The following DDAH1 variants were observed in gnomAD, a reference collection of about 807,000 sequenced individuals.
DDAH1 encodes dimethylarginine dimethylaminohydrolase 1.
In DDAH1, 19 loss-of-function variants were observed where a neutral mutation model predicts 28.8. The ratio of observed to expected loss-of-function variants is 0.66; its 90% CI spans 0.46 to 0.97. The LOEUF (loss-of-function observed/expected upper bound fraction) is 0.97. DDAH1 is among the 50% of genes least tolerant of loss of function. The pLI is 0.00. For synonymous variants in DDAH1, 153 were observed against 154.4 expected (o/e 0.99, Z 0.07); for missense variants, 326 against 375.9 (o/e 0.87, Z 1.10).
rs556759724 is a variant in DDAH1 at position 85,371,501 on chromosome 1, A to C, written c.304-12654T>G. Among the ~76,000 whole-genome samples the C allele has an allele frequency of 6.6e-5, 10 of 152,326 alleles. No homozygotes were observed. The South Asian group carries it at 2.1e-3, about 32-fold the overall frequency. On this transcript the variant is annotated intron_variant, in intron 1 of 5. Transcript: ENST00000284031. ...GGGCAACACAGTAATACTCTACCTC[A>C]AACAACAACAAAAAACAACCATACC...
chr1:85,389,043 ATTAACAGTTG>A (rs1277365307), intron 1 of DDAH1, among the ~76,000 whole-genome samples: 6 of 152,128 alleles, frequency 3.9e-5, no homozygotes, highest in Non-Finnish European at 7.3e-5. Flanking sequence ...TAAAATGATC[ATTAACAGTTG>A]TTTTTAGGCC....
chr1:85,457,306 T>C (rs1416785293), intron 1 of DDAH1, among the ~76,000 whole-genome samples: 3 of 152,196 alleles, frequency 2.0e-5, no homozygotes, highest in Non-Finnish European at 4.4e-5. Flanking sequence ...CCCTGGTTAA[T>C]TCTCACTCAA....
intron 1 of DDAH1, among the ~76,000 whole-genome samples, chr1:85,568,119 A>G (rs1419911762): frequency 6.6e-6 from 1 of 152,228 alleles, no homozygotes; most frequent in African/African-American, 2.4e-5. Flanking sequence ...AAAGTCTTTT[A>G]AACAGATTAA....
intron 1 of DDAH1, among the ~76,000 whole-genome samples, chr1:85,525,878 G>A (rs1348088066): frequency 3.9e-5 from 6 of 152,196 alleles, no homozygotes; most frequent in African/African-American, 1.4e-4. Flanking sequence ...AGTCCTCTGC[G>A]GTATCCTTGT....
chr1:85,415,045 C>CG (rs2100603181), intron 1 of DDAH1, among the ~76,000 whole-genome samples: 1 of 110,410 alleles, frequency 9.1e-6, no homozygotes, highest in East Asian at 3.1e-4. Context: ...GATGGAGTCT[C>CG]GCACTGTCAC....
intron 2 of DDAH1, among the ~76,000 whole-genome samples, chr1:85,470,200 AAAAAGAG>A (rs1433514088): frequency 7.2e-5 from 11 of 152,218 alleles, no homozygotes; most frequent in South Asian, 2.1e-4. Context: ...ATTTATAAAG[AAAAAGAG>A]ATTTTATGGA....
At chr1:85,451,023 G>A (rs1412765905) in intron 1 of DDAH1, among the ~76,000 whole-genome samples, 3 of 152,216 alleles carry the variant, frequency 2.0e-5, no homozygotes, top group African/African-American at 7.2e-5. Flanking sequence ...AGAGAGGCCA[G>A]TGCCCACAAG....
chr1:85,408,293 CTT>C (rs36103030), intron 1 of DDAH1, among the ~76,000 whole-genome samples: 88,689 of 145,542 alleles, frequency 0.61, 26,470 homozygotes, highest in Middle Eastern at 0.66. Context: ...CTCCTTCTTC[CTT>C]TTTTTTTTTT....
intron 2 of DDAH1, among the ~76,000 whole-genome samples, chr1:85,477,694 T>C (rs1233853616): frequency 6.6e-6 from 1 of 151,870 alleles, no homozygotes; most frequent in Non-Finnish European, 1.5e-5. Context: ...ATATAGTATA[T>C]TATGATGTGA....
chr1:85,563,000 A>G (rs1447392250), intron 1 of DDAH1, among the ~76,000 whole-genome samples: 1 of 152,220 alleles, frequency 6.6e-6, no homozygotes, highest in Non-Finnish European at 1.5e-5. Flanking sequence ...CAGACATAGG[A>G]CATCAAACTG....
intron 4 of DDAH1, among the ~76,000 whole-genome samples, chr1:85,332,763 A>G (rs1227261849): frequency 6.6e-6 from 1 of 152,084 alleles, no homozygotes; most frequent in Non-Finnish European, 1.5e-5. Context: ...AGGCTGGGGG[A>G]TTGCCTCACC....
Position 85,446,238 on chromosome 1 carries a change from G to A in DDAH1, c.303+18505C>T, listed in dbSNP as rs145175661. Among the ~76,000 whole-genome samples the A allele has an allele frequency of 4.6e-3, 706 of 152,216 alleles. 9 individuals carry two copies. The highest frequency in any genetic ancestry group is 0.046 in the East Asian group (235 of 5,156). ...GCTAGGGAGGCCTCAGGAAACTTAC[G>A]ATCATGGCAGAAGCTGAAAGGGAAG... is the stretch of plus-strand genomic sequence containing the variant. On this transcript the variant is annotated intron_variant, in intron 1 of 5. Coordinates refer to ENST00000284031, the MANE Select transcript of DDAH1 (RefSeq NM_012137.4).
At chr1:85,504,131 C>T (rs1372516694) in intron 1 of DDAH1, among the ~76,000 whole-genome samples, 1 of 152,200 alleles carries the variant, frequency 6.6e-6, no homozygotes, top group Non-Finnish European at 1.5e-5. Context: ...GACCTCAAGA[C>T]TCCAAGACCC....
In DDAH1 at chr1:85,436,577, C is replaced by T. The variant is rs569241118; in HGVS notation, c.303+28166G>A. On this transcript the variant is annotated intron_variant, in intron 1 of 5. Transcript: ENST00000284031. ...ACCTCAGTCAGAGCTGGCTCAGGCACAAAGTGTTGCTGATGCTGCAGAAGC... is the reference window on the plus strand; with the variant it reads ...ACCTCAGTCAGAGCTGGCTCAGGCATAAAGTGTTGCTGATGCTGCAGAAGC... 1.1e-3 allele frequency among the ~76,000 whole-genome samples: 161 copies of T among 152,298 alleles called. 1 individual carries two copies. The highest frequency in any genetic ancestry group is 3.8e-3 in the African/African-American group (157 of 41,566).
chr1:85,400,033 A>G (rs569255867), intron 1 of DDAH1: 1 of 152,254 alleles, frequency 6.6e-6, no homozygotes, highest in East Asian at 1.9e-4. Flanking sequence ...TCTTTGGAGA[A>G]TCTTGGCCTT....
At chr1:85,473,052 A>G (rs1022445072) in intron 2 of DDAH1, among the ~76,000 whole-genome samples, 8 of 152,174 alleles carry the variant, frequency 5.3e-5, no homozygotes, top group Non-Finnish European at 8.8e-5. Context: ...AAAGGAAATG[A>G]TTGCATTATT....
rs1213486043 is a variant in DDAH1 at position 85,531,679 on chromosome 1, G to A, written c.-122-35398C>T. Among the ~76,000 whole-genome samples the A allele has an allele frequency of 1.7e-4, 25 of 147,330 alleles. 1 individual carries two copies. Among genetic ancestry groups the A allele is most frequent in the African/African-American group, 6.3e-4 (25 of 39,492 alleles). On this transcript the variant is annotated intron_variant, in intron 1 of 6. Coordinates refer to the DDAH1 transcript ENST00000426972. Reference sequence around the variant, plus strand: ...AAGTTTGTGACCCAAAGTCCATAGAGGGATTAAATGATACCAGTTCCTATG... The same window carrying A: ...AAGTTTGTGACCCAAAGTCCATAGAAGGATTAAATGATACCAGTTCCTATG...
intron 1 of DDAH1, among the ~76,000 whole-genome samples, chr1:85,432,365 A>C (rs908530519): frequency 6.6e-6 from 1 of 152,204 alleles, no homozygotes; most frequent in Admixed American, 6.5e-5. Flanking sequence ...CATCCCTCCC[A>C]AAGCTATGAT....
intron 1 of DDAH1, among the ~76,000 whole-genome samples, chr1:85,496,731 C>T (rs1394167679): frequency 6.6e-6 from 1 of 152,152 alleles, no homozygotes; most frequent in Non-Finnish European, 1.5e-5. Flanking sequence ...AGAACTGAAG[C>T]TGCTTTGTTT....
Sources: allele counts gnomAD v4.1 joint callset (sites outside exome capture counted in the v4.1 genomes callset), GRCh38; gene constraint gnomAD v4.1.1; transcripts MANE v1.5; gene names NCBI Gene and HGNC (gene_info 2026-07-23, HGNC 2026-07-21).